RARB: variants seen among roughly 807,000 people sequenced by gnomAD.
RARB encodes HBV-activated protein.
Under a neutral mutation model 51.9 loss-of-function variants are expected in RARB, and 17 were observed. The ratio of observed to expected loss-of-function variants is 0.33; its 90% CI spans 0.22 to 0.49. The LOEUF (loss-of-function observed/expected upper bound fraction) is 0.49, where lower values mean the gene tolerates loss of function less well. Among genes scored for constraint, RARB ranks in the 20% least tolerant of loss-of-function variants. The probability of loss-of-function intolerance (pLI) is 0.99; values close to 1 mark genes in which losing one functional copy is unlikely to be tolerated. For synonymous variants in RARB, 215 were observed against 195.4 expected (o/e 1.10, Z -0.84); for missense variants, 369 against 550.8 (o/e 0.67, Z 3.30).
At chr3:25,525,157 C>T (rs1326668735) in intron 3 of RARB, among the ~76,000 whole-genome samples, 2 of 152,138 alleles carry the variant, frequency 1.3e-5, no homozygotes, top group East Asian at 3.8e-4. Context: ...TTCAAAAGTC[C>T]ATATGTTCAT....
intron 5 of RARB, among the ~76,000 whole-genome samples, chr3:25,320,745 C>G (rs371458934): frequency 2.0e-4 from 31 of 152,210 alleles, no homozygotes; most frequent in African/African-American, 7.0e-4. Flanking sequence ...TTTTGTGAAA[C>G]CTGGGGTTTA....
chr3:25,576,453 A>G (rs560305432), intron 4 of RARB, among the ~76,000 whole-genome samples: 6 of 152,208 alleles, frequency 3.9e-5, no homozygotes, highest in Non-Finnish European at 5.9e-5. Flanking sequence ...GCCTTGGACT[A>G]TACCCACCAC....
chr3:25,069,585 G>T (rs918508851), intron 3 of RARB, among the ~76,000 whole-genome samples: 4 of 152,104 alleles, frequency 2.6e-5, no homozygotes, highest in African/African-American at 7.2e-5. Context: ...TCATCTCACT[G>T]TCTACCACCT....
intron 2 of RARB, among the ~76,000 whole-genome samples, chr3:25,050,596 C>T (rs1380972630): frequency 6.6e-6 from 1 of 152,136 alleles, no homozygotes; most frequent in Non-Finnish European, 1.5e-5. Context: ...CTGAGGCAAT[C>T]ATTTTCAGCT....
chr3:25,451,503 T>G (rs895481841), intron 1 of RARB, among the ~76,000 whole-genome samples: 5 of 152,230 alleles, frequency 3.3e-5, no homozygotes, highest in Non-Finnish European at 5.9e-5. Flanking sequence ...TTGAGGCTGT[T>G]CATATGGTGC....
intron 2 of RARB, among the ~76,000 whole-genome samples, chr3:24,900,757 T>A (rs2125371292): frequency 6.6e-6 from 1 of 152,330 alleles, no homozygotes; most frequent in South Asian, 2.1e-4. Flanking sequence ...GCTAAGCATG[T>A]CTAATTTGAG....
chr3:24,911,328 T>C (rs1485915763), intron 2 of RARB, among the ~76,000 whole-genome samples: 1 of 152,172 alleles, frequency 6.6e-6, no homozygotes, highest in Non-Finnish European at 1.5e-5. Flanking sequence ...AAGGAATTTA[T>C]ATAAAATCAA....
intron 2 of RARB, among the ~76,000 whole-genome samples, chr3:24,925,643 CTTT>C (rs564076072): frequency 6.2e-5 from 6 of 96,818 alleles, no homozygotes; most frequent in African/African-American, 2.3e-4. Context: ...CAGATCCTGT[CTTT>C]TTTTTTTTTA....
intron 3 of RARB, among the ~76,000 whole-genome samples, chr3:25,561,078 C>A (rs527736306): frequency 5.8e-4 from 88 of 152,162 alleles, no homozygotes; most frequent in Non-Finnish European, 6.0e-4. Flanking sequence ...CTATCCTGAG[C>A]TTACATAGTT....
intron 2 of RARB, among the ~76,000 whole-genome samples, chr3:25,048,069 C>T (rs1698253430): frequency 6.6e-6 from 1 of 152,172 alleles, no homozygotes; most frequent in Admixed American, 6.5e-5. Flanking sequence ...TTGCCTTCTG[C>T]CATAATTGTG....
intron 5 of RARB, among the ~76,000 whole-genome samples, chr3:25,367,936 G>T (rs1706177638): frequency 6.6e-6 from 1 of 152,072 alleles, no homozygotes; most frequent in Non-Finnish European, 1.5e-5. Context: ...CCACAATACT[G>T]TTTCATGCAC....
chr3:25,185,234 C>T (rs1700949557), intron 5 of RARB, among the ~76,000 whole-genome samples: 2 of 152,022 alleles, frequency 1.3e-5, no homozygotes, highest in Non-Finnish European at 2.9e-5. Context: ...TAAGCTTGCC[C>T]TGATGAATAA....
chr3:25,385,453 A>G (rs1420661734), intron 5 of RARB, among the ~76,000 whole-genome samples: 6 of 152,186 alleles, frequency 3.9e-5, no homozygotes, highest in African/African-American at 1.2e-4. Context: ...CACCTGTCCT[A>G]CATGTCAGCT....
At chr3:25,106,445 T>C (rs1489724402) in intron 3 of RARB, among the ~76,000 whole-genome samples, 1 of 86,018 alleles carries the variant, frequency 1.2e-5, no homozygotes, top group Non-Finnish European at 2.3e-5. Flanking sequence ...CCAGCTACTG[T>C]TTTTTGTTTT....
At chr3:24,874,811 G>C (rs1463690334) in intron 2 of RARB, among the ~76,000 whole-genome samples, 3 of 151,426 alleles carry the variant, frequency 2.0e-5, no homozygotes, top group Non-Finnish European at 1.5e-5. Flanking sequence ...TTTTATATTT[G>C]TCTTGATCTT....
At chr3:25,057,529 C>T (rs1341914864) in intron 2 of RARB, among the ~76,000 whole-genome samples, 2 of 151,990 alleles carry the variant, frequency 1.3e-5, no homozygotes, top group African/African-American at 4.8e-5. Flanking sequence ...GCCTCACTGA[C>T]TGAACTTGCC....
chr3:25,421,746 C>T (rs1302160272), intron 5 of RARB, among the ~76,000 whole-genome samples: 1 of 152,102 alleles, frequency 6.6e-6, no homozygotes, highest in Non-Finnish European at 1.5e-5. Context: ...CTCATTTAAT[C>T]TTTACCACAA....
chr3:25,112,986 C>G (rs1053393204), intron 3 of RARB, among the ~76,000 whole-genome samples: 11 of 152,040 alleles, frequency 7.2e-5, no homozygotes, highest in Non-Finnish European at 4.4e-5. Flanking sequence ...TTGTGGTGCT[C>G]TTGATATGAG....
chr3:24,954,992 G>A (rs78955145), intron 2 of RARB, among the ~76,000 whole-genome samples: 2 of 152,170 alleles, frequency 1.3e-5, no homozygotes, highest in East Asian at 3.9e-4. Context: ...GGACTGCTAA[G>A]TGTTAACCAG....
Sources: gnomAD v4.1 joint callset for allele counts (sites outside exome capture counted in the v4.1 genomes callset) on GRCh38, gnomAD v4.1.1 for gene constraint, MANE v1.5 for transcripts, NCBI Gene and HGNC (gene_info 2026-07-23, HGNC 2026-07-21) for gene names.